Variants in CRYBG1 observed in about 807,000 individuals in gnomAD.
The protein encoded by CRYBG1 is beta/gamma crystallin domain-containing protein 1.
CRYBG1 carries 139 observed loss-of-function variants against 189.2 expected under a neutral mutation model. The ratio of observed to expected loss-of-function variants is 0.73; its 90% CI spans 0.64 to 0.85. The LOEUF (loss-of-function observed/expected upper bound fraction) is 0.85, where lower values mean the gene tolerates loss of function less well. Among genes scored for constraint, CRYBG1 ranks in the 40% least tolerant of loss-of-function variants. The pLI is 0.00. For missense variants in CRYBG1, 2,611 were observed against 2,675.8 expected (o/e 0.98, Z 0.53); for synonymous variants, 1,023 against 1,017.1 (o/e 1.01, Z -0.11).
chr6:106,504,225 CA>C (rs754609870), intron 2 of CRYBG1, among the ~76,000 whole-genome samples: 69 of 152,256 alleles, frequency 4.5e-4, no homozygotes, highest in Non-Finnish European at 8.2e-4. Context: ...AGACTGGGAG[CA>C]GTGACATCGG....
chr6:106,460,771 C>T (rs527956357), intron 2 of CRYBG1, among the ~76,000 whole-genome samples: 2 of 152,030 alleles, frequency 1.3e-5, no homozygotes, highest in South Asian at 4.2e-4. Flanking sequence ...ACTTTCAATC[C>T]CTTTGTTTTG....
In CRYBG1 at chr6:106,511,785, C is replaced by A. The variant is rs1773264996; in HGVS notation, c.668C>A (p.Ala223Asp). ...PRWSSSAAAV[A>D]VQQCHENDSP... ...TGGAGCAGCAGTGCAGCGGCTGTGGCTGTGCAGCAGTGCCATGAAAATGAT... is the reference window on the plus strand; with the variant it reads ...TGGAGCAGCAGTGCAGCGGCTGTGGATGTGCAGCAGTGCCATGAAAATGAT... Residue 223 changes from alanine (A) to aspartate (D), a missense_variant, in exon 3 of 22, where the codon GCT becomes GAT. Ala to Asp is a moderately radical substitution (Grantham distance 126, BLOSUM62 -2). Around this residue, in one of 3 missense-constraint regions of CRYBG1, gnomAD observed 985 missense variants for 924.4 expected, o/e 1.07. Coordinates refer to ENST00000633556, the MANE Select transcript of CRYBG1 (RefSeq NM_001371242.2). 6.5e-7 allele frequency: 1 copy of A among 1,533,694 alleles called. No homozygotes were observed. The highest frequency in any genetic ancestry group is 8.7e-7 in the Non-Finnish European group (1 of 1,145,514).
rs1057359792 is a variant in CRYBG1, at chr6:106,512,133, C to A, written c.1016C>A (p.Ala339Glu). ...RNARSQPPKG[A>E]SDLPGEPPAE... ...GCCCGCAGCCAGCCCCCCAAGGGCG[C>A]GTCTGATTTGCCAGGTGAGCCTCCG... Residue 339 changes from alanine to glutamate, a missense_variant, in exon 3 of 22, where the codon GCG (alanine) becomes GAG (glutamate). Physicochemically the swap from Ala to Glu is moderately radical, Grantham distance 107 (BLOSUM62 -1). Around this residue, in one of 3 missense-constraint regions of CRYBG1, gnomAD observed 985 missense variants for 924.4 expected, o/e 1.07. Coordinates refer to ENST00000633556, the MANE Select transcript of CRYBG1 (RefSeq NM_001371242.2). 2.0e-6 allele frequency: 3 copies of A among 1,534,370 alleles called. No individual in the cohort carries two copies. Among genetic ancestry groups the A allele is most frequent in the Non-Finnish European group, 2.6e-6 (3 of 1,145,970 alleles).
intron 2 of CRYBG1, among the ~76,000 whole-genome samples, chr6:106,457,976 A>G (rs1233628821): frequency 6.6e-6 from 1 of 152,190 alleles, no homozygotes; most frequent in Non-Finnish European, 1.5e-5. Flanking sequence ...GGAAATATAC[A>G]TTAAAAACTA....
chr6:106,525,041 AGT>A, intron 4 of CRYBG1, 90 bp from the exon 5 acceptor site: 1 of 1,274,934 alleles, frequency 7.8e-7, no homozygotes. Context: ...ATGTGGGAAA[AGT>A]GTGATCTACC....
intron 2 of CRYBG1, among the ~76,000 whole-genome samples, chr6:106,467,559 A>G (rs9480673): frequency 1.4e-3 from 213 of 152,326 alleles, no homozygotes; most frequent in African/African-American, 5.1e-3. Context: ...GCAAGGACAA[A>G]TCCATTTATT....
chr6:106,515,553 G>A (rs976243980), intron 3 of CRYBG1, among the ~76,000 whole-genome samples: 1 of 152,048 alleles, frequency 6.6e-6, no homozygotes, highest in Non-Finnish European at 1.5e-5. Context: ...TCTGGTATGT[G>A]ACCATCCCTC....
At chr6:106,435,856 G>T (rs377074407) in intron 1 of CRYBG1, among the ~76,000 whole-genome samples, 1 of 152,034 alleles carries the variant, frequency 6.6e-6, no homozygotes, top group Non-Finnish European at 1.5e-5. Flanking sequence ...TGTGAACCAC[G>T]GTGCCCAGCC....
chr6:106,490,568 T>C (rs145658035), intron 2 of CRYBG1, among the ~76,000 whole-genome samples: 1 of 152,172 alleles, frequency 6.6e-6, no homozygotes, highest in African/African-American at 2.4e-5. Context: ...AGCTGAAATA[T>C]GTTTATATGA....
intron 1 of CRYBG1, among the ~76,000 whole-genome samples, chr6:106,385,139 A>G (rs1173043700): frequency 6.6e-6 from 1 of 152,130 alleles, no homozygotes; most frequent in African/African-American, 2.4e-5. Context: ...CTATTTTTCT[A>G]AAAGAAATCC....
At chr6:106,378,115 A>AC (rs1367995370) in intron 1 of CRYBG1, among the ~76,000 whole-genome samples, 1 of 151,646 alleles carries the variant, frequency 6.6e-6, no homozygotes, top group Non-Finnish European at 1.5e-5. Flanking sequence ...GAGCCCTGTC[A>AC]CCCCCCGGTC....
At chr6:106,446,134 A>G (rs939115710) in intron 1 of CRYBG1, among the ~76,000 whole-genome samples, 1 of 152,232 alleles carries the variant, frequency 6.6e-6, no homozygotes, top group Non-Finnish European at 1.5e-5. Context: ...ATCTGATGGT[A>G]TGTGTCCGTA....
intron 2 of CRYBG1, among the ~76,000 whole-genome samples, chr6:106,474,335 C>T (rs1772293477): frequency 6.6e-6 from 1 of 152,078 alleles, no homozygotes; most frequent in Admixed American, 6.6e-5. Flanking sequence ...CAGAGAAAGA[C>T]CTGGTCTCTA....
chr6:106,478,210 A>G (rs1772371473), intron 2 of CRYBG1, among the ~76,000 whole-genome samples: 1 of 152,204 alleles, frequency 6.6e-6, no homozygotes, highest in African/African-American at 2.4e-5. Flanking sequence ...CTGTTCAATA[A>G]TGAGGGTGCA....
intron 2 of CRYBG1, among the ~76,000 whole-genome samples, chr6:106,471,815 AAG>A (rs201787370): frequency 1.3e-4 from 19 of 140,778 alleles, no homozygotes; most frequent in African/African-American, 5.6e-4. Context: ...AAAAAAAAAA[AAG>A]AAGAAGAAAA....
chr6:106,475,645 G>C (rs1772320258), intron 2 of CRYBG1, among the ~76,000 whole-genome samples: 1 of 152,304 alleles, frequency 6.6e-6, no homozygotes, highest in African/African-American at 2.4e-5. Flanking sequence ...GATATATAGT[G>C]CTGTCTCTGT....
At chr6:106,503,217 A>C (rs1364975544) in intron 2 of CRYBG1, among the ~76,000 whole-genome samples, 2 of 152,190 alleles carry the variant, frequency 1.3e-5, no homozygotes, top group African/African-American at 4.8e-5. Context: ...CCAAATCCTA[A>C]GGACAAGAAA....
intron 2 of CRYBG1, among the ~76,000 whole-genome samples, chr6:106,495,187 T>C (rs1029998600): frequency 6.6e-6 from 1 of 152,178 alleles, no homozygotes; most frequent in African/African-American, 2.4e-5. Context: ...CAACAGTCAG[T>C]GTCTGTCATT....
chr6:106,558,561 A>C lies in CRYBG1; in HGVS notation c.5791A>C (p.Thr1931Pro). 6.2e-7 allele frequency: 1 copy of C among 1,613,546 alleles called. No homozygotes were observed. Among genetic ancestry groups the C allele is most frequent in the Non-Finnish European group, 8.5e-7 (1 of 1,179,588 alleles). ...AAAAAAGATTGAACTTAATGCAGAA[A>C]CTGTCAATCTCCGATCCCTGGGATT... is the stretch of plus-strand genomic sequence containing the variant. ...KGKKIELNAE[T>P]VNLRSLGFNT... Residue 1931 changes from threonine to proline, a missense_variant, in exon 18 of 22, where the codon ACT becomes CCT. Physicochemically the swap from Thr to Pro is conservative, Grantham distance 38. Transcript: ENST00000633556.
Sources: allele counts gnomAD v4.1 joint callset (sites outside exome capture counted in the v4.1 genomes callset), GRCh38; gene constraint gnomAD v4.1.1; regional missense constraint gnomAD v4.1.1; transcripts MANE v1.5; gene names NCBI Gene and HGNC (gene_info 2026-07-23, HGNC 2026-07-21).